The following ERAP1 variants were observed in gnomAD, a reference collection of about 807,000 sequenced individuals.
ERAP1 encodes the protein endoplasmic reticulum aminopeptidase 1, also known as adipocyte-derived leucine aminopeptidase.
Under a neutral mutation model 103.7 loss-of-function variants are expected in ERAP1, and 86 were observed. That is an observed-to-expected ratio of 0.83 (90% confidence interval 0.70 to 0.99). ERAP1 has a LOEUF of 0.99. Among genes scored for constraint, ERAP1 ranks in the 50% least tolerant of loss-of-function variants. ERAP1 has a pLI of 0.00. For missense variants in ERAP1, 1,009 were observed against 1,128.4 expected, an observed-to-expected ratio of 0.89 and a Z score of 1.52; for synonymous variants, 398 against 402.4, an observed-to-expected ratio of 0.99 and a Z score of 0.13.
At position 96,775,420 on chromosome 5, in the gene ERAP1, T is replaced by G. The variant is rs1774037411; in HGVS notation, c.*976A>C. On this transcript the variant is annotated 3_prime_UTR_variant, in exon 19 of 19. Transcript: ENST00000443439. ...GTTAGAAATTGTAAAGTAGGCCAAATAAGAAGCAGAGAGAGAAAAAAAATC... is the reference window on the plus strand; with the variant it reads ...GTTAGAAATTGTAAAGTAGGCCAAAGAAGAAGCAGAGAGAGAAAAAAAATC... 4.1e-6 allele frequency: 4 copies of G among 985,420 alleles called. No individual in the cohort carries two copies. The highest frequency in any genetic ancestry group is 4.8e-6 in the Non-Finnish European group (4 of 829,896). The allele number at this position is 985,420 out of a possible 1,614,324, so 61.0% of individuals were successfully genotyped here.
At chr5:96,933,536 TA>T in the ERAP1 span, among the ~76,000 whole-genome samples, 4 of 152,212 alleles carry the variant, frequency 2.6e-5, no homozygotes, top group Non-Finnish European at 4.4e-5. Flanking sequence ...CAAAAAGACA[TA>T]ATGATCCACC....
At chr5:96,823,440 T>C in the ERAP1 span, among the ~76,000 whole-genome samples, 4 of 152,240 alleles carry the variant, frequency 2.6e-5, no homozygotes, top group Non-Finnish European at 5.9e-5. Context: ...GCATAGATAC[T>C]ACAGTAGCCT....
intron 15 of ERAP1, among the ~76,000 whole-genome samples, chr5:96,782,145 G>A (rs967326926): frequency 1.4e-4 from 22 of 151,898 alleles, no homozygotes; most frequent in Non-Finnish European, 2.5e-4. Flanking sequence ...CGAGTAGCTG[G>A]GACTACAGGC....
the ERAP1 span, chr5:96,910,346 G>A: frequency 4.6e-5 from 7 of 151,290 alleles, no homozygotes; most frequent in African/African-American, 1.7e-4. Context: ...AAATCTGTGA[G>A]CTTTTTGAAA....
At chr5:96,888,165 A>G in the ERAP1 span, among the ~76,000 whole-genome samples, 3,956 of 33,248 alleles carry the variant, frequency 0.12, 87 homozygotes, top group Middle Eastern at 0.35. Context: ...AAAGAAAAAA[A>G]AAGAAAAATC....
At chr5:96,768,518 T>C in intron 19 of ERAP1, 2 of 391,374 alleles carry the variant, frequency 5.1e-6, no homozygotes, top group South Asian at 4.0e-5. Context: ...TTTCTATATG[T>C]ATATTTTACA....
chr5:96,828,778 T>C, the ERAP1 span, among the ~76,000 whole-genome samples: 2 of 152,154 alleles, frequency 1.3e-5, no homozygotes, highest in South Asian at 2.1e-4. Flanking sequence ...GAAAAAAATA[T>C]ATAGATTTTA....
the ERAP1 span, among the ~76,000 whole-genome samples, chr5:96,844,231 T>C: frequency 6.6e-6 from 1 of 152,200 alleles, no homozygotes. Flanking sequence ...CTTCAACAAT[T>C]GGTTCTCCCC....
chr5:96,909,700 G>T, the ERAP1 span: 2 of 1,614,210 alleles, frequency 1.2e-6, no homozygotes, highest in Non-Finnish European at 1.7e-6. Context: ...CCTGAACCAT[G>T]CTCCTTGCAT....
the ERAP1 span, among the ~76,000 whole-genome samples, chr5:96,817,942 A>C: frequency 1.3e-5 from 2 of 152,216 alleles, no homozygotes; most frequent in African/African-American, 4.8e-5. Flanking sequence ...TGGTGTGAGA[A>C]ATTCTGAAAA....
rs151195031 is a variant in ERAP1, at chr5:96,806,961, T to TTTTTGTTTTG, written c.-18+889_-18+898dup. Among the ~76,000 whole-genome samples the TTTTTGTTTTG allele has an allele frequency of 3.0e-3, 283 of 95,576 alleles. 2 individuals carry two copies. The highest frequency in any genetic ancestry group is 8.7e-3 in the African/African-American group (267 of 30,658). 62.7% of individuals were successfully genotyped at this position (95,576 alleles called of 152,430 possible). A position where few individuals can be genotyped will look rare whatever the true frequency, so the allele number is the denominator to read the frequency against. On this transcript the variant is annotated intron_variant, in intron 1 of 18. Transcript: ENST00000443439. ...AGACAACTGTGCCCAATTTTCAAGT[T>TTTTTGTTTTG]TTTTGTTTTGTTTTGTTTTGTTTTG...
At chr5:96,858,216 T>TC in the ERAP1 span, among the ~76,000 whole-genome samples, 1 of 145,446 alleles carries the variant, frequency 6.9e-6, no homozygotes. Flanking sequence ...TTGTTCTTCT[T>TC]CTTTTTTTTT....
At chr5:96,864,118 T>C in the ERAP1 span, among the ~76,000 whole-genome samples, 12 of 152,154 alleles carry the variant, frequency 7.9e-5, no homozygotes, top group Non-Finnish European at 1.3e-4. Flanking sequence ...GCAGGGGCAA[T>C]AGTTGACTTC....
chr5:96,901,190 TTTTG>T, the ERAP1 span, among the ~76,000 whole-genome samples: 4 of 146,622 alleles, frequency 2.7e-5, no homozygotes, highest in South Asian at 2.3e-4. Flanking sequence ...GTTTGTTTGA[TTTTG>T]TTTGTTTGCT....
chr5:96,793,798 T>C lies in ERAP1; in HGVS notation c.1074+5A>G, dbSNP rs1777002936. The stretch of plus-strand genomic sequence containing the variant: ...ACTTTATTAAAAGTGTGAATGAGCT[T>C]ATACCTGGTGAGCCAGTTCATGGGC... On this transcript the variant is annotated splice_donor_5th_base_variant and intron_variant, in intron 6 of 18. Transcript: ENST00000443439. The C allele has an allele frequency of 3.7e-6, 6 of 1,612,150 alleles. No homozygotes were observed. Among genetic ancestry groups the C allele is most frequent in the South Asian group, 1.1e-5 (1 of 91,016 alleles).
the ERAP1 span, among the ~76,000 whole-genome samples, chr5:96,912,046 C>T: frequency 0.54 from 80,670 of 149,392 alleles, 21,862 homozygotes; most frequent in Admixed American, 0.58. Context: ...AAAAATTAGC[C>T]GGGCGCGGTG....
At chr5:96,780,393 A>AAAAT (rs756515665) in intron 18 of ERAP1, 30 bp downstream of exon 18, 2 of 1,470,656 alleles carry the variant, frequency 1.4e-6, no homozygotes, top group Non-Finnish European at 1.8e-6. Context: ...TTTATGTTTA[A>AAAAT]AAATATATAT....
chr5:96,781,618 A>G (rs1322713934), intron 16 of ERAP1, 75 bp downstream of exon 16: 3 of 1,601,990 alleles, frequency 1.9e-6, no homozygotes, highest in Non-Finnish European at 2.6e-6. Context: ...CAAGAAAACA[A>G]AAATAGATGC....
intron 4 of ERAP1, 147 bp downstream of exon 4, chr5:96,797,028 A>G (rs1777417269): frequency 2.3e-6 from 2 of 876,384 alleles, no homozygotes; most frequent in Non-Finnish European, 3.7e-6. Context: ...GCCTCAAGTG[A>G]TTCTTCCACC....
Sources: gnomAD v4.1 joint callset for allele counts (sites outside exome capture counted in the v4.1 genomes callset) on GRCh38, gnomAD v4.1.1 for gene constraint, MANE v1.5 for transcripts, NCBI Gene and HGNC (gene_info 2026-07-23, HGNC 2026-07-21) for gene names.